PDE4B: variants seen among roughly 807,000 people sequenced by gnomAD.
The protein encoded by PDE4B is phosphodiesterase 4B.
Under a neutral mutation model 82.2 loss-of-function variants are expected in PDE4B, and 20 were observed. The observed-to-expected ratio is 0.24, with a 90% CI of 0.17 to 0.35. The LOEUF is 0.35. PDE4B is among the 10% of genes least tolerant of loss of function. PDE4B has a pLI of 1.00. For synonymous variants in PDE4B, 320 were observed against 318.9 expected, an observed-to-expected ratio of 1.00 and a Z score of -0.04; for missense variants, 655 against 907.2, an observed-to-expected ratio of 0.72 and a Z score of 3.57.
At chr1:66,228,242 G>A (rs1476111789) in intron 3 of PDE4B, among the ~76,000 whole-genome samples, 1 of 152,110 alleles carries the variant, frequency 6.6e-6, no homozygotes, top group Non-Finnish European at 1.5e-5. Flanking sequence ...CATTCGGAGA[G>A]ACACTATACT....
chr1:65,995,608 T>G (rs1651498021), intron 3 of PDE4B, among the ~76,000 whole-genome samples: 1 of 152,202 alleles, frequency 6.6e-6, no homozygotes, highest in Non-Finnish European at 1.5e-5. Context: ...CCAAAAAATT[T>G]CATGTGCTTT....
chr1:66,082,218 C>G (rs1656779257), intron 3 of PDE4B, among the ~76,000 whole-genome samples: 1 of 151,970 alleles, frequency 6.6e-6, no homozygotes, highest in South Asian at 2.1e-4. Context: ...GACTTTTATG[C>G]TTATTTTGCT....
intron 10 of PDE4B, 100 bp from the exon 11 acceptor site, chr1:66,363,067 TA>T: frequency 1.3e-6 from 1 of 761,482 alleles, no homozygotes. Flanking sequence ...GGAGACACTC[TA>T]AAGACTTAAA....
At chr1:65,903,045 G>A (rs550818241) in intron 1 of PDE4B, among the ~76,000 whole-genome samples, 4 of 152,212 alleles carry the variant, frequency 2.6e-5, no homozygotes, top group African/African-American at 7.2e-5. Context: ...CATTACAAAG[G>A]TGGTATTTTA....
At chr1:65,918,479 G>A (rs1647186805) in intron 2 of PDE4B, 118 bp from the exon 3 acceptor site, 1 of 640,514 alleles carries the variant, frequency 1.6e-6, no homozygotes, top group African/African-American at 1.8e-5. Context: ...TTCTGATTGT[G>A]AGATAATCAG....
intron 3 of PDE4B, among the ~76,000 whole-genome samples, chr1:66,216,678 T>C (rs994346248): frequency 2.0e-5 from 3 of 152,146 alleles, no homozygotes; most frequent in Non-Finnish European, 2.9e-5. Context: ...CATAGTCAGC[T>C]ATTAGCTAGG....
chr1:66,368,218 T>C, intron 15 of PDE4B, 153 bp downstream of exon 15: 1 of 650,400 alleles, frequency 1.5e-6, no homozygotes, highest in Non-Finnish European at 2.5e-6. Flanking sequence ...CTAAGGAAAA[T>C]GGACATTCAA....
At chr1:66,020,317 CTT>C (rs201929982) in intron 3 of PDE4B, among the ~76,000 whole-genome samples, 1 of 148,588 alleles carries the variant, frequency 6.7e-6, no homozygotes. Flanking sequence ...ACTTTGAACT[CTT>C]TTTTTTTTAA....
At chr1:65,834,691 A>G (rs116344520) in intron 1 of PDE4B, among the ~76,000 whole-genome samples, 506 of 152,300 alleles carry the variant, frequency 3.3e-3, no homozygotes, top group African/African-American at 9.2e-3. Flanking sequence ...AGGCTTATAT[A>G]TAGCCACGTC....
At chr1:65,859,503 C>T (rs1429601922) in intron 1 of PDE4B, among the ~76,000 whole-genome samples, 1 of 151,874 alleles carries the variant, frequency 6.6e-6, no homozygotes, top group Non-Finnish European at 1.5e-5. Flanking sequence ...TTTTGTTTTG[C>T]AAAGTTATGA....
intron 3 of PDE4B, among the ~76,000 whole-genome samples, chr1:66,219,392 A>G (rs1403243564): frequency 2.0e-5 from 3 of 152,324 alleles, no homozygotes; most frequent in East Asian, 3.9e-4. Flanking sequence ...GAGCAACTTT[A>G]TAGTTGATAC....
At chr1:66,158,654 G>T (rs564286252) in intron 3 of PDE4B, among the ~76,000 whole-genome samples, 1 of 152,110 alleles carries the variant, frequency 6.6e-6, no homozygotes, top group East Asian at 1.9e-4. Flanking sequence ...GTTTATTGCC[G>T]CATTATTCAC....
intron 3 of PDE4B, among the ~76,000 whole-genome samples, chr1:66,145,005 G>A (rs1434329369): frequency 2.0e-5 from 3 of 152,224 alleles, no homozygotes; most frequent in Non-Finnish European, 2.9e-5. Flanking sequence ...ATGGACTGAT[G>A]TGTGAAATAG....
chr1:66,238,582 C>A (rs2101651281), intron 3 of PDE4B, among the ~76,000 whole-genome samples: 1 of 152,210 alleles, frequency 6.6e-6, no homozygotes, highest in South Asian at 2.1e-4. Context: ...ATACACAAAA[C>A]AGTACAGTTT....
chr1:65,883,210 G>A (rs1646729692), intron 1 of PDE4B, among the ~76,000 whole-genome samples: 2 of 152,162 alleles, frequency 1.3e-5, no homozygotes, highest in South Asian at 4.1e-4. Context: ...TTGGTAGCTT[G>A]ATGGGGATGG....
At chr1:66,149,339 A>G (rs1321632190) in intron 3 of PDE4B, among the ~76,000 whole-genome samples, 2 of 152,168 alleles carry the variant, frequency 1.3e-5, no homozygotes, top group Non-Finnish European at 2.9e-5. Flanking sequence ...TTATTTATAT[A>G]TTCTGGACAC....
chr1:66,358,249 T>C (rs1036795620), intron 9 of PDE4B, among the ~76,000 whole-genome samples: 1 of 152,148 alleles, frequency 6.6e-6, no homozygotes, highest in Admixed American at 6.5e-5. Context: ...CTGTCAATCC[T>C]TTAACGAGGA....
intron 3 of PDE4B, among the ~76,000 whole-genome samples, chr1:66,137,305 G>C (rs1406025617): frequency 1.3e-5 from 2 of 152,164 alleles, no homozygotes; most frequent in Admixed American, 1.3e-4. Flanking sequence ...ATAGTGAAGA[G>C]GTTAGGACTG....
At chr1:66,208,616 A>G (rs370322730) in intron 3 of PDE4B, among the ~76,000 whole-genome samples, 1 of 152,344 alleles carries the variant, frequency 6.6e-6, no homozygotes, top group South Asian at 2.1e-4. Context: ...GCTTATTGTT[A>G]TAACTGGAAC....
Sources: gnomAD v4.1 joint callset for allele counts (sites outside exome capture counted in the v4.1 genomes callset) on GRCh38, gnomAD v4.1.1 for gene constraint, MANE v1.5 for transcripts, NCBI Gene and HGNC (gene_info 2026-07-23, HGNC 2026-07-21) for gene names.